The following SPTBN2 variants were observed in gnomAD, a reference collection of about 807,000 sequenced individuals.
SPTBN2 encodes spectrin beta chain, non-erythrocytic 2.
In SPTBN2, 107 loss-of-function variants were observed where a neutral mutation model predicts 284.2. The ratio of observed to expected loss-of-function variants is 0.38; its 90% CI spans 0.32 to 0.44. The LOEUF (loss-of-function observed/expected upper bound fraction) is 0.44, where lower values mean the gene tolerates loss of function less well. Ranked by LOEUF, SPTBN2 falls within the 20% of genes least tolerant of loss-of-function variation. SPTBN2 has a pLI of 1.00. For synonymous variants in SPTBN2, 1,289 were observed against 1,354.8 expected (o/e 0.95, Z 1.07); for missense variants, 2,569 against 3,287.1 (o/e 0.78, Z 5.34).
At chr11:66,737,282 A>T (rs1311085471) in intron 1 of SPTBN2, among the ~76,000 whole-genome samples, 1 of 152,206 alleles carries the variant, frequency 6.6e-6, no homozygotes, top group Non-Finnish European at 1.5e-5. Context: ...GGTTTCTTTT[A>T]AACAGTCAAC....
In SPTBN2 at chr11:66,707,813, G is replaced by T. The variant is rs750175492; in HGVS notation, c.1356C>A (p.Asn452Lys). The T allele has an allele frequency of 6.2e-7, 1 of 1,608,802 alleles. No homozygotes were observed. The highest frequency in any genetic ancestry group is 8.5e-7 in the Non-Finnish European group (1 of 1,179,904). ...CGACAGCTGCCAGCTCCAGCCCAAA[G>T]TTGTCCTGTGTCGGGGGCAGGGAGA... is the stretch of plus-strand genomic sequence containing the variant. ...SENQRLVSQD[N>K]FGLELAAVEA... The change falls in exon 13 of 38, where the codon AAC (asparagine) becomes AAA (lysine). Residue 452 changes from asparagine (N) to lysine (K), a missense_variant. Asn to Lys is a moderately conservative substitution (Grantham distance 94). This residue lies in a region of SPTBN2 where 1,012 missense variants were observed against 1,248.9 expected (regional missense o/e 0.81). Coordinates refer to ENST00000533211, the MANE Select transcript of SPTBN2 (RefSeq NM_006946.4). This position sits in a 1 kb window ranked among gnomAD's most constrained non-coding sequence, Gnocchi z 4.9.
intron 29 of SPTBN2, 174 bp from the exon 30 acceptor site, chr11:66,689,354 A>C: frequency 1.5e-6 from 1 of 660,248 alleles, no homozygotes; most frequent in Non-Finnish European, 2.6e-6. Context: ...AGCTCACTGC[A>C]ACCTCCACCT....
At chr11:66,701,559 C>A (rs1465979382) in intron 16 of SPTBN2, 25 bp downstream of exon 16, 6 of 1,614,136 alleles carry the variant, frequency 3.7e-6, no homozygotes, top group Non-Finnish European at 5.1e-6. Flanking sequence ...CTGTCAGTTT[C>A]CTGGTCCTGC....
At chr11:66,692,847 CCT>C in intron 25 of SPTBN2, 107 bp from the exon 26 acceptor site, 3 of 1,595,212 alleles carry the variant, frequency 1.9e-6, no homozygotes, top group South Asian at 2.2e-5. Flanking sequence ...GCTCGCCCAC[CCT>C]GTGTTCCAGC....
rs1353387458 is a variant in SPTBN2, at chr11:66,682,640, A to G, written c.*3231T>C. Among the ~76,000 whole-genome samples the G allele has an allele frequency of 1.3e-5, 2 of 152,156 alleles. No homozygotes were observed. Among genetic ancestry groups the G allele is most frequent in the African/African-American group, 2.4e-5 (1 of 41,424 alleles). On this transcript the variant is annotated 3_prime_UTR_variant, in exon 38 of 38. Coordinates refer to ENST00000533211, the MANE Select transcript of SPTBN2 (RefSeq NM_006946.4). The stretch of plus-strand genomic sequence containing the variant: ...ACCTGGTGTTTCAGAGTCATGACAC[A>G]CTTGGTTTGGCTACATCTCAGTAGC...
At chr11:66,727,590 C>T (rs1942665449) in intron 1 of SPTBN2, among the ~76,000 whole-genome samples, 1 of 152,036 alleles carries the variant, frequency 6.6e-6, no homozygotes, top group Non-Finnish European at 1.5e-5. Context: ...GCCGCTTCCC[C>T]GCCGCCCGAA....
At chr11:66,720,805 C>T (rs1353859967) in intron 3 of SPTBN2, among the ~76,000 whole-genome samples, 1 of 152,052 alleles carries the variant, frequency 6.6e-6, no homozygotes, top group Non-Finnish European at 1.5e-5. Context: ...GGACATGACC[C>T]GGGGGCTGAG....
upstream of SPTBN2, among the ~76,000 whole-genome samples, chr11:66,730,250 G>A (rs1310822969): frequency 6.6e-6 from 1 of 152,112 alleles, no homozygotes. Context: ...CGGTCATCAG[G>A]GACACTTGGT....
chr11:66,726,120 T>C (rs1371839307), intron 1 of SPTBN2, among the ~76,000 whole-genome samples: 2 of 152,216 alleles, frequency 1.3e-5, no homozygotes, highest in African/African-American at 4.8e-5. Flanking sequence ...CAACAGATAT[T>C]CAATAAAGAG....
At chr11:66,690,493 TG>T in intron 27 of SPTBN2, 1 of 638,416 alleles carries the variant, frequency 1.6e-6, no homozygotes. Context: ...TGGGCTTAAC[TG>T]GGGGAGGATC....
At chr11:66,688,115 C>T (rs1940269286) in intron 32 of SPTBN2, 36 bp from the exon 33 acceptor site, 1 of 1,613,594 alleles carries the variant, frequency 6.2e-7, no homozygotes, top group African/African-American at 1.3e-5. Flanking sequence ...ATCATTAGTC[C>T]CTGGGTGGCC....
intron 27 of SPTBN2, among the ~76,000 whole-genome samples, chr11:66,690,987 T>G (rs1940505153): frequency 6.6e-6 from 1 of 152,014 alleles, no homozygotes; most frequent in African/African-American, 2.4e-5. Flanking sequence ...CTGGCTAATT[T>G]TGTATTTTTA....
intron 30 of SPTBN2, 80 bp from the exon 31 acceptor site, chr11:66,688,929 A>G: frequency 6.4e-7 from 1 of 1,559,122 alleles, no homozygotes; most frequent in South Asian, 1.1e-5. Context: ...CAACCTCAAG[A>G]ACAGGGACAC....
At chr11:66,741,703 T>TAAGAAACCA (rs541042616) in intron 1 of SPTBN2, among the ~76,000 whole-genome samples, 122 of 152,372 alleles carry the variant, frequency 8.0e-4, no homozygotes, top group South Asian at 2.9e-3. Context: ...GCAGGTCATT[T>TAAGAAACCA]AGTTTCTTTG....
In SPTBN2 at chr11:66,687,164, G is replaced by C; in HGVS notation, c.6726C>G (p.Ser2242=). The C allele has an allele frequency of 6.2e-7, 1 of 1,613,882 alleles. No homozygotes were observed. Among genetic ancestry groups the C allele is most frequent in the Non-Finnish European group, 8.5e-7 (1 of 1,180,034 alleles). The part of the protein sequence containing the change: ...EAFGKKAANR[S]WQNVYCVLRR... The stretch of plus-strand genomic sequence containing the variant: ...GCAGGACACAGTACACGTTCTGCCA[G>C]GACCTGCGAGGGACGCGGTGCTGAC... Residue 2242 remains serine, a synonymous_variant, in exon 36 of 38, where the codon TCC becomes TCG. Transcript: ENST00000533211. This position sits in a 1 kb window ranked among gnomAD's most constrained non-coding sequence, Gnocchi z 5.2.
chr11:66,734,843 T>C (rs1469249744), intron 1 of SPTBN2, among the ~76,000 whole-genome samples: 1 of 152,190 alleles, frequency 6.6e-6, no homozygotes, highest in Non-Finnish European at 1.5e-5. Flanking sequence ...TGAAACAAAA[T>C]GTTTTCATAT....
At chr11:66,723,795 T>G (rs1289276622) in intron 1 of SPTBN2, among the ~76,000 whole-genome samples, 1 of 152,058 alleles carries the variant, frequency 6.6e-6, no homozygotes, top group Non-Finnish European at 1.5e-5. Flanking sequence ...GAGTAAAGAG[T>G]GCTGTGGGCA....
In SPTBN2 at chr11:66,700,767, C is replaced by T. The variant is rs763945497; in HGVS notation, c.3332G>A (p.Arg1111Gln). The part of the protein sequence containing the change: ...EALLAQHAAL[R>Q]GEVERAQSEY... ...GCTCTGGGCCCGCTCCACCTCTCCC[C>T]GCAGGGCTGCATGTTGGGCCAGGAG... is the stretch of plus-strand genomic sequence containing the variant. The change falls in exon 17 of 38, where the codon CGG (arginine) becomes CAG (glutamine). Residue 1111 changes from arginine (R) to glutamine (Q), a missense_variant. Arg to Gln is a conservative substitution (Grantham distance 43, BLOSUM62 1). Around this residue, in one of 6 missense-constraint regions of SPTBN2, gnomAD observed 1,012 missense variants for 1,248.9 expected, o/e 0.81. Transcript: ENST00000533211. The surrounding 1 kb of genome is among the most constrained non-coding windows in gnomAD (Gnocchi z 6.6). 19 of 1,601,994 alleles carry T rather than the reference C, an allele frequency of 1.2e-5. No individual in the cohort carries two copies. The highest frequency in any genetic ancestry group is 1.6e-4 in the Middle Eastern group (1 of 6,082).
At chr11:66,686,661 C>T (rs370928389) in intron 36 of SPTBN2, 13 of 643,944 alleles carry the variant, frequency 2.0e-5, no homozygotes, top group South Asian at 1.9e-4. Flanking sequence ...ACTTCCACCC[C>T]AGCCCGGGCC....
Sources: allele counts gnomAD v4.1 joint callset (sites outside exome capture counted in the v4.1 genomes callset), GRCh38; gene constraint gnomAD v4.1.1; regional missense constraint gnomAD v4.1.1; non-coding constraint Gnocchi (gnomAD v3.1); transcripts MANE v1.5; gene names NCBI Gene and HGNC (gene_info 2026-07-23, HGNC 2026-07-21).